The following IYD variants were observed in gnomAD, a reference collection of about 807,000 sequenced individuals.
IYD encodes iodotyrosine deiodinase 1.
Under a neutral mutation model 28.4 loss-of-function variants are expected in IYD, and 25 were observed. That is an observed-to-expected ratio of 0.88 (90% CI 0.64 to 1.23). IYD has a LOEUF of 1.23. Ranked by LOEUF, IYD falls within the 50% of genes most tolerant of loss-of-function variation. The pLI is 0.00. For synonymous variants in IYD, 140 were observed against 130.8 expected (o/e 1.07, Z -0.48); for missense variants, 352 against 357.9 (o/e 0.98, Z 0.13).
In IYD at chr6:150,395,270, G is replaced by T. The variant is rs368548423; in HGVS notation, c.687+1015G>T. ...AAATGTAGAAAACAAGATTATAAGA[G>T]CAAGTAACCATACTTTTGAGAGACA... On this transcript the variant is annotated intron_variant, in intron 4 of 4. Coordinates refer to ENST00000344419, the MANE Select transcript of IYD (RefSeq NM_203395.3). The T allele has an allele frequency of 5.9e-5, 40 of 676,712 alleles. 1 individual carries two copies. Among genetic ancestry groups the T allele is most frequent in the South Asian group, 3.9e-4 (20 of 50,974 alleles). 41.9% of individuals were successfully genotyped at this position (676,712 alleles called of 1,614,324 possible).
At chr6:150,390,879 G>T (rs1394309249) in intron 2 of IYD, among the ~76,000 whole-genome samples, 1 of 152,144 alleles carries the variant, frequency 6.6e-6, no homozygotes, top group African/African-American at 2.4e-5. Context: ...TGGACTGAGA[G>T]TTCCCGAAGT....
chr6:150,385,687 G>C (rs1206667130), intron 1 of IYD, among the ~76,000 whole-genome samples: 1 of 151,798 alleles, frequency 6.6e-6, no homozygotes, highest in Non-Finnish European at 1.5e-5. Context: ...CTTATGTTTG[G>C]TATCAAGGTT....
At chr6:150,370,240 T>C (rs923831321) in intron 1 of IYD, among the ~76,000 whole-genome samples, 2 of 146,668 alleles carry the variant, frequency 1.4e-5, no homozygotes, top group African/African-American at 2.6e-5. Flanking sequence ...TGTGTGTGCA[T>C]GAGAGTGGAT....
At chr6:150,388,479 C>T (rs1777961765) in intron 1 of IYD, among the ~76,000 whole-genome samples, 2 of 152,090 alleles carry the variant, frequency 1.3e-5, no homozygotes, top group South Asian at 2.1e-4. Flanking sequence ...TTAAAAAAGA[C>T]TTTGAAAAAT....
At chr6:150,389,809 A>C (rs973398239) in intron 2 of IYD, among the ~76,000 whole-genome samples, 2 of 152,196 alleles carry the variant, frequency 1.3e-5, no homozygotes, top group African/African-American at 2.4e-5. Context: ...TTTAATTAAA[A>C]ACCAAGATTT....
intron 1 of IYD, among the ~76,000 whole-genome samples, chr6:150,388,660 T>TTTC (rs1777983833): frequency 1.6e-5 from 2 of 124,806 alleles, no homozygotes; most frequent in African/African-American, 5.5e-5. Context: ...TCTTTCTTTC[T>TTTC]TTCTTTCTTT....
intron 1 of IYD, among the ~76,000 whole-genome samples, chr6:150,380,429 T>C (rs1214815839): frequency 1.3e-5 from 2 of 152,198 alleles, no homozygotes; most frequent in Non-Finnish European, 2.9e-5. Context: ...ATAAAACAGA[T>C]CAACTTTAGG....
intron 4 of IYD, chr6:150,396,681 T>C (rs893425444): frequency 2.2e-5 from 8 of 358,024 alleles, no homozygotes; most frequent in South Asian, 4.5e-5. Flanking sequence ...GAGACCATCC[T>C]GGCTAACATG....
At position 150,398,141 on chromosome 6, in the gene IYD, G is replaced by C; in HGVS notation, c.774G>C (p.Lys258Asn). Residue 258 changes from lysine to asparagine, a missense_variant, in exon 5 of 5, where the codon AAG becomes AAC. Lys to Asn is a moderately conservative substitution (Grantham distance 94). Transcript: ENST00000344419. Reference sequence around the variant, plus strand: ...TCCTGGGCCGCCCCGCACATGAAAAGCTGCTGATGCTGCTCCCCGTGGGGT... The same window carrying C: ...TCCTGGGCCGCCCCGCACATGAAAACCTGCTGATGCTGCTCCCCGTGGGGT... ...RVLLGRPAHE[K>N]LLMLLPVGYP... 1.9e-6 allele frequency: 3 copies of C among 1,614,194 alleles called. No individual in the cohort carries two copies. Among genetic ancestry groups the C allele is most frequent in the Non-Finnish European group, 2.5e-6 (3 of 1,180,026 alleles).
chr6:150,393,291 A>G (rs1778193782), intron 3 of IYD, among the ~76,000 whole-genome samples: 1 of 152,214 alleles, frequency 6.6e-6, no homozygotes. Context: ...CAGATCTTCT[A>G]AAGCGTTACC....
intron 1 of IYD, among the ~76,000 whole-genome samples, chr6:150,376,253 G>T (rs917921648): frequency 1.3e-5 from 2 of 152,106 alleles, no homozygotes; most frequent in East Asian, 3.8e-4. Flanking sequence ...CCCTCTGAAG[G>T]TTCACTGAAA....
chr6:150,369,301 C>A, intron 1 of IYD, 92 bp downstream of exon 1: 1 of 1,235,980 alleles, frequency 8.1e-7, no homozygotes, highest in Non-Finnish European at 1.2e-6. Context: ...GAGGAAGAAA[C>A]ACACACAGGC....
At chr6:150,389,593 G>A (rs1414823324) in intron 2 of IYD, 50 bp downstream of exon 2, 3 of 1,458,206 alleles carry the variant, frequency 2.1e-6, no homozygotes, top group African/African-American at 1.4e-5. Context: ...CCTTACTGGT[G>A]TGACTCCAAC....
At chr6:150,369,271 T>A in intron 1 of IYD, 62 bp downstream of exon 1, 1 of 1,513,654 alleles carries the variant, frequency 6.6e-7, no homozygotes, top group Non-Finnish European at 9.1e-7. Context: ...TGAGTGTGAG[T>A]CAATGGCAGG....
intron 1 of IYD, among the ~76,000 whole-genome samples, chr6:150,373,266 T>C (rs928740333): frequency 6.6e-6 from 1 of 152,210 alleles, no homozygotes. Flanking sequence ...AACAGATTGT[T>C]ATGTGCCCAT....
chr6:150,369,312 C>T, intron 1 of IYD, 103 bp downstream of exon 1: 1 of 1,062,958 alleles, frequency 9.4e-7, no homozygotes, highest in Non-Finnish European at 1.4e-6. Flanking sequence ...ACACACAGGC[C>T]AGCTTCAACA....
At chr6:150,383,806 A>AAC (rs1406644179) in intron 1 of IYD, among the ~76,000 whole-genome samples, 25 of 28,800 alleles carry the variant, frequency 8.7e-4, no homozygotes, top group African/African-American at 3.9e-3. Flanking sequence ...AAAAAAAAAA[A>AAC]AACAAAAACA....
rs1002671798 is a variant in IYD at position 150,379,320 on chromosome 6, C to A, written c.179-10032C>A. Among the ~76,000 whole-genome samples, 7 of 152,214 alleles carry A rather than the reference C, an allele frequency of 4.6e-5. 1 individual carries two copies. The highest frequency in any genetic ancestry group is 1.3e-4 in the Admixed American group (2 of 15,282). On this transcript the variant is annotated intron_variant, in intron 1 of 4. Coordinates refer to ENST00000344419, the MANE Select transcript of IYD (RefSeq NM_203395.3). ...CTTTCTGCTTCTCCAAGGGTCCAAG[C>A]CAGCATCGTCCCCCAGTCAAGCTAT...
At chr6:150,389,877 C>G (rs1034212138) in intron 2 of IYD, among the ~76,000 whole-genome samples, 1 of 152,104 alleles carries the variant, frequency 6.6e-6, no homozygotes, top group Non-Finnish European at 1.5e-5. Context: ...CTTTCCCTCT[C>G]CTTAAAACAC....
Sources: allele counts gnomAD v4.1 joint callset (sites outside exome capture counted in the v4.1 genomes callset), GRCh38; gene constraint gnomAD v4.1.1; transcripts MANE v1.5; gene names NCBI Gene and HGNC (gene_info 2026-07-23, HGNC 2026-07-21).